Variants in BRSK2 observed in about 807,000 individuals in gnomAD.
BRSK2 encodes the protein serine/threonine-protein kinase BRSK2.
BRSK2 carries 19 observed loss-of-function variants against 83.3 expected under a neutral mutation model. The ratio of observed to expected loss-of-function variants is 0.23; its 90% CI spans 0.16 to 0.33. BRSK2 has a LOEUF of 0.33. Among genes scored for constraint, BRSK2 ranks in the 10% least tolerant of loss-of-function variants. BRSK2 has a pLI of 1.00. For synonymous variants in BRSK2, 519 were observed against 435.4 expected (o/e 1.19, Z -2.39); for missense variants, 798 against 1,042.3 (o/e 0.77, Z 3.23).
intron 1 of BRSK2, among the ~76,000 whole-genome samples, chr11:1,420,518 G>A (rs4247483): frequency 0.45 from 68,077 of 152,156 alleles, 16,126 homozygotes; most frequent in Non-Finnish European, 0.51. Flanking sequence ...CCCCCGTCAC[G>A]GCCAGGCTCC....
At chr11:1,415,833 CG>C (rs1372446053) in intron 1 of BRSK2, among the ~76,000 whole-genome samples, 1 of 152,282 alleles carries the variant, frequency 6.6e-6, no homozygotes, top group Non-Finnish European at 1.5e-5. Context: ...TTCTGTTGCA[CG>C]GGCTCCACCA....
rs114665606 is a variant in BRSK2 at position 1,443,152 on chromosome 11, C to T, written c.564+13C>T. 4.4e-3 allele frequency: 6,789 copies of T among 1,537,356 alleles called. 219 individuals are homozygous for T. In the African/African-American group the frequency reaches 0.079, roughly 18 times the overall value. ...CGAGGTGATCCGGGTGAGTCAGCGC[C>T]GCCGCGTGCAGCTCTGTGGGGCCCA... On this transcript the variant is annotated intron_variant, in intron 6 of 19. Transcript: ENST00000528841.
At chr11:1,402,244 C>T (rs1431026346) in intron 1 of BRSK2, among the ~76,000 whole-genome samples, 1 of 152,220 alleles carries the variant, frequency 6.6e-6, no homozygotes, top group Non-Finnish European at 1.5e-5. Flanking sequence ...GCACAGCAGG[C>T]TGTGGTGGGG....
chr11:1,401,256 G>A (rs544284300), intron 1 of BRSK2, among the ~76,000 whole-genome samples: 20 of 152,254 alleles, frequency 1.3e-4, no homozygotes, highest in Non-Finnish European at 2.2e-4. Flanking sequence ...CACCTCACCC[G>A]TGAGCAACTG....
intron 3 of BRSK2, among the ~76,000 whole-genome samples, chr11:1,439,490 G>A (rs1017905454): frequency 6.6e-6 from 1 of 151,844 alleles, no homozygotes; most frequent in South Asian, 2.1e-4. Flanking sequence ...ATGGTGACAC[G>A]GTGCCGGTGC....
chr11:1,446,402 A>G (rs1852133474), intron 12 of BRSK2, among the ~76,000 whole-genome samples: 1 of 130,332 alleles, frequency 7.7e-6, no homozygotes, highest in African/African-American at 3.0e-5. Context: ...GCTAAACTGG[A>G]TTTGGCTGAG....
At chr11:1,447,173 A>AG (rs1371799106) in intron 12 of BRSK2, among the ~76,000 whole-genome samples, 1 of 152,022 alleles carries the variant, frequency 6.6e-6, no homozygotes, top group East Asian at 1.9e-4. Flanking sequence ...CGCCAGTACT[A>AG]GGGGGTAGCA....
At chr11:1,411,538 T>G (rs1253612697) in intron 1 of BRSK2, 1 of 1,553,822 alleles carries the variant, frequency 6.4e-7, no homozygotes, top group Non-Finnish European at 8.6e-7. Flanking sequence ...CATCACAGAG[T>G]GCCAGCTGGC....
rs1361155596 is a variant in BRSK2 at position 1,390,843 on chromosome 11, T to C, written c.91+468T>C. Among the ~76,000 whole-genome samples, 2 of 152,058 alleles carry C rather than the reference T, an allele frequency of 1.3e-5. No individual in the cohort carries two copies. Among genetic ancestry groups the C allele is most frequent in the Non-Finnish European group, 2.9e-5 (2 of 67,960 alleles). Reference sequence around the variant, plus strand: ...CCTCCGCGCGCCGGCCACCGGGGCCTCCGGGCAGGCCCGATCTCCCTCCGC... The same window carrying C: ...CCTCCGCGCGCCGGCCACCGGGGCCCCCGGGCAGGCCCGATCTCCCTCCGC... On this transcript the variant is annotated intron_variant, in intron 1 of 19. Coordinates refer to ENST00000528841, the MANE Select transcript of BRSK2 (RefSeq NM_001256627.2). The surrounding 1 kb of genome is among the most constrained non-coding windows in gnomAD (Gnocchi z 6.8).
At chr11:1,399,521 C>A (rs1372575329) in intron 1 of BRSK2, among the ~76,000 whole-genome samples, 1 of 152,024 alleles carries the variant, frequency 6.6e-6, no homozygotes, top group African/African-American at 2.4e-5. Flanking sequence ...GAGAGGGGAG[C>A]CGTGAGCCGT....
chr11:1,411,872 A>C (rs935165980), intron 1 of BRSK2, among the ~76,000 whole-genome samples: 3 of 152,164 alleles, frequency 2.0e-5, no homozygotes, highest in Admixed American at 6.5e-5. Context: ...CCGGGCCCTC[A>C]TCTTGCCCTC....
intron 1 of BRSK2, among the ~76,000 whole-genome samples, chr11:1,392,114 C>A (rs1845765061): frequency 6.6e-6 from 1 of 152,234 alleles, no homozygotes; most frequent in African/African-American, 2.4e-5. Context: ...GCCACCATTT[C>A]TGTGCGTCTT....
chr11:1,443,416 C>T lies in BRSK2; in HGVS notation c.633+13C>T, dbSNP rs1401567096. On this transcript the variant is annotated intron_variant, in intron 7 of 19. Coordinates refer to ENST00000528841, the MANE Select transcript of BRSK2 (RefSeq NM_001256627.2). ...CGCCTTGCTGGTGGTGAGACCCTGG[C>T]CCCCTCAACCCTGCCCTGGCCTCTC... 3.8e-6 allele frequency: 6 copies of T among 1,595,136 alleles called. No homozygotes were observed. Among genetic ancestry groups the T allele is most frequent in the Non-Finnish European group, 3.4e-6 (4 of 1,171,504 alleles).
At chr11:1,428,741 T>C (rs1038379738) in intron 1 of BRSK2, among the ~76,000 whole-genome samples, 11 of 152,224 alleles carry the variant, frequency 7.2e-5, no homozygotes, top group African/African-American at 2.7e-4. Flanking sequence ...TTTGTACGTA[T>C]GTGTGCATGA....
rs772565029 is a variant in BRSK2, at chr11:1,460,456, T to C, written c.1988-44T>C. The C allele has an allele frequency of 1.3e-4, 154 of 1,153,936 alleles. 1 individual carries two copies. Among genetic ancestry groups the C allele is most frequent in the Non-Finnish European group, 1.4e-4 (128 of 924,350 alleles). The allele number at this position is 1,153,936 out of a possible 1,614,324, so 71.5% of individuals were successfully genotyped here. A position where few individuals can be genotyped will look rare whatever the true frequency, so the allele number is the denominator to read the frequency against. Reference sequence around the variant, plus strand: ...TCTTTCTCTCCCCCTTTTTTTTCTTTTTTCCTTTTTTTTTTTTTTTTTGTC... The same window carrying C: ...TCTTTCTCTCCCCCTTTTTTTTCTTCTTTCCTTTTTTTTTTTTTTTTTGTC... On this transcript the variant is annotated intron_variant, in intron 19 of 19. Transcript: ENST00000528841.
chr11:1,393,608 G>C (rs2134007648), intron 1 of BRSK2, among the ~76,000 whole-genome samples: 1 of 152,330 alleles, frequency 6.6e-6, no homozygotes, highest in African/African-American at 2.4e-5. Context: ...GCCCCTCCAT[G>C]TTCTCAATGG....
intron 1 of BRSK2, among the ~76,000 whole-genome samples, chr11:1,429,097 T>C (rs1377609211): frequency 7.6e-6 from 1 of 131,606 alleles, no homozygotes; most frequent in Admixed American, 7.6e-5. Flanking sequence ...GGTGCGTGCA[T>C]GTGTGCACTC....
intron 1 of BRSK2, among the ~76,000 whole-genome samples, chr11:1,434,247 G>A (rs987220848): frequency 3.9e-5 from 6 of 152,222 alleles, no homozygotes; most frequent in East Asian, 1.9e-4. Flanking sequence ...GCGCGTGCAC[G>A]GAAGGATGGC....
intron 1 of BRSK2, among the ~76,000 whole-genome samples, chr11:1,408,527 G>T (rs1421585192): frequency 1.3e-5 from 2 of 152,204 alleles, no homozygotes; most frequent in African/African-American, 2.4e-5. Context: ...GGAGACACCT[G>T]AGTGCTATGG....
Sources: allele counts gnomAD v4.1 joint callset (sites outside exome capture counted in the v4.1 genomes callset), GRCh38; gene constraint gnomAD v4.1.1; non-coding constraint Gnocchi (gnomAD v3.1); transcripts MANE v1.5; gene names NCBI Gene and HGNC (gene_info 2026-07-23, HGNC 2026-07-21).